ST7: variants seen among roughly 807,000 people sequenced by gnomAD.
ST7 encodes suppression of tumorigenicity 7, also known as suppressor of tumorigenicity 7 protein.
Under a neutral mutation model 78.7 loss-of-function variants are expected in ST7, and 28 were observed. That is an observed-to-expected ratio of 0.36 (90% CI 0.26 to 0.49). ST7 has a LOEUF of 0.49. Ranked by LOEUF, ST7 falls within the 20% of genes least tolerant of loss-of-function variation. ST7 has a pLI of 0.99. For synonymous variants in ST7, 247 were observed against 249.6 expected (o/e 0.99, Z 0.10); for missense variants, 418 against 696.0 (o/e 0.60, Z 4.49).
At chr7:117,014,753 G>A (rs1795528672) in intron 1 of ST7, 1 of 328,494 alleles carries the variant, frequency 3.0e-6, no homozygotes, top group African/African-American at 2.1e-5. Context: ...ATTAATACAG[G>A]AGGGAAATGG....
chr7:117,210,083 A>AGAT, intron 13 of ST7, 146 bp downstream of exon 13: 1 of 934,964 alleles, frequency 1.1e-6, no homozygotes, highest in Non-Finnish European at 1.5e-6. Context: ...TTAGTGACTT[A>AGAT]GGTTCTCCCA....
rs182518164 is a variant in ST7, at chr7:117,138,567, A to G, written c.963+35A>G. ...AGTTTGTGTTTGGGATCAGTGGCTTACAGATATAGGAGCCCGCTGAATGGC... is the reference window on the plus strand; with the variant it reads ...AGTTTGTGTTTGGGATCAGTGGCTTGCAGATATAGGAGCCCGCTGAATGGC... On this transcript the variant is annotated intron_variant, in intron 9 of 15. Coordinates refer to ENST00000323984, the MANE Select transcript of ST7 (RefSeq NM_001369598.1). 8.4e-5 allele frequency: 125 copies of G among 1,481,068 alleles called. No homozygotes were observed. In the Admixed American group the frequency reaches 1.1e-3, roughly 13 times the overall value. 91.7% of individuals were successfully genotyped at this position (1,481,068 alleles called of 1,614,324 possible).
chr7:117,205,955 A>G (rs1455758603), intron 12 of ST7, among the ~76,000 whole-genome samples: 1 of 152,228 alleles, frequency 6.6e-6, no homozygotes, highest in East Asian at 1.9e-4. Context: ...ATACTTGTGG[A>G]TAGGGATCTG....
At chr7:117,032,876 C>A (rs1796674666) in intron 1 of ST7, among the ~76,000 whole-genome samples, 1 of 152,262 alleles carries the variant, frequency 6.6e-6, no homozygotes, top group Middle Eastern at 3.4e-3. Flanking sequence ...CTTTCTCACC[C>A]TTTTTCTAAG....
chr7:117,183,287 G>T (rs937422027), intron 10 of ST7, among the ~76,000 whole-genome samples: 1 of 151,920 alleles, frequency 6.6e-6, no homozygotes, highest in Non-Finnish European at 1.5e-5. Context: ...TTATCCAGGC[G>T]TGGTGGTGTG....
At chr7:116,960,769 G>A (rs1792786710) in intron 1 of ST7, among the ~76,000 whole-genome samples, 1 of 152,096 alleles carries the variant, frequency 6.6e-6, no homozygotes, top group African/African-American at 2.4e-5. Flanking sequence ...CATTCTGTAG[G>A]TTTTCTGTTG....
intron 1 of ST7, among the ~76,000 whole-genome samples, chr7:117,030,354 T>C (rs1796412440): frequency 6.6e-6 from 1 of 152,194 alleles, no homozygotes; most frequent in Non-Finnish European, 1.5e-5. Context: ...GCATCATTAA[T>C]TTGAATTTGG....
rs533572580 is a variant in ST7, at chr7:117,163,372, C to T, written c.964-7490C>T. 2.0e-5 allele frequency among the ~76,000 whole-genome samples: 3 copies of T among 152,262 alleles called. No individual in the cohort carries two copies. In the East Asian group the frequency reaches 5.8e-4, roughly 29 times the overall value. ...ACCTCTATACTGTTCTCCATAGTGGCTATACTAGTTTGCAGTCCTACCAAA... is the reference window on the plus strand; with the variant it reads ...ACCTCTATACTGTTCTCCATAGTGGTTATACTAGTTTGCAGTCCTACCAAA... On this transcript the variant is annotated intron_variant, in intron 9 of 15. Coordinates refer to ENST00000323984, the MANE Select transcript of ST7 (RefSeq NM_001369598.1).
intron 1 of ST7, among the ~76,000 whole-genome samples, chr7:116,967,731 G>A (rs1793199430): frequency 6.6e-6 from 1 of 152,148 alleles, no homozygotes; most frequent in Non-Finnish European, 1.5e-5. Flanking sequence ...CTTAACCAGT[G>A]CCAGCACTTG....
At chr7:117,052,847 T>C (rs1797855912) in intron 1 of ST7, among the ~76,000 whole-genome samples, 1 of 152,180 alleles carries the variant, frequency 6.6e-6, no homozygotes, top group South Asian at 2.1e-4. Flanking sequence ...TGAGCTGAGA[T>C]CGCGCCACTG....
intron 1 of ST7, among the ~76,000 whole-genome samples, chr7:116,958,204 T>C (rs1327272757): frequency 2.0e-5 from 2 of 101,596 alleles, no homozygotes; most frequent in Non-Finnish European, 3.7e-5. Flanking sequence ...CAGGGTCCCC[T>C]GTGTTCTTGA....
chr7:116,997,066 G>A (rs1711913494), intron 1 of ST7, among the ~76,000 whole-genome samples: 2 of 152,174 alleles, frequency 1.3e-5, no homozygotes, highest in Admixed American at 1.3e-4. Flanking sequence ...GGCGTGTCCA[G>A]AGTTTGTTCC....
chr7:117,208,312 C>A (rs1017367217), intron 12 of ST7, among the ~76,000 whole-genome samples: 1 of 152,152 alleles, frequency 6.6e-6, no homozygotes, highest in Admixed American at 6.5e-5. Context: ...CTCTCATGGA[C>A]CAGCCTGGAA....
In ST7 at chr7:117,136,145, T is replaced by C. The variant is rs1452678421; in HGVS notation, c.775T>C (p.Leu259=). Residue 259 remains leucine (L), a synonymous_variant, in exon 8 of 16, where the codon TTA becomes CTA. Coordinates refer to ENST00000323984, the MANE Select transcript of ST7 (RefSeq NM_001369598.1). Reference sequence around the variant, plus strand: ...AACAACCATTGCTGAAGCAGAAAAATTATTTAAGCAGGCCCTGAAGGCTGG... The same window carrying C: ...AACAACCATTGCTGAAGCAGAAAAACTATTTAAGCAGGCCCTGAAGGCTGG... ...EATTIAEAEK[L]FKQALKAGDG... 1.9e-6 allele frequency: 3 copies of C among 1,613,364 alleles called. No homozygotes were observed. Among genetic ancestry groups the C allele is most frequent in the African/African-American group, 1.3e-5 (1 of 74,828 alleles).
chr7:117,106,093 G>T (rs1374309678), intron 2 of ST7, among the ~76,000 whole-genome samples: 2 of 152,136 alleles, frequency 1.3e-5, no homozygotes, highest in Non-Finnish European at 2.9e-5. Flanking sequence ...CCGCTTCCCG[G>T]GTTCACGCCA....
chr7:117,185,964 C>T (rs1467489949), intron 10 of ST7, among the ~76,000 whole-genome samples: 2 of 152,080 alleles, frequency 1.3e-5, no homozygotes, highest in Non-Finnish European at 2.9e-5. Context: ...ATAAATTAGG[C>T]ACAGTAAGAG....
intron 1 of ST7, among the ~76,000 whole-genome samples, chr7:116,973,653 G>C (rs911920591): frequency 6.6e-6 from 1 of 152,150 alleles, no homozygotes; most frequent in Non-Finnish European, 1.5e-5. Flanking sequence ...TTGTCCTGAA[G>C]TTGGTATTGT....
At chr7:117,131,246 A>C (rs1281224007) in intron 5 of ST7, among the ~76,000 whole-genome samples, 1 of 151,904 alleles carries the variant, frequency 6.6e-6, no homozygotes, top group Non-Finnish European at 1.5e-5. Context: ...TTTATAAAAT[A>C]AATAAGGAGA....
intron 10 of ST7, among the ~76,000 whole-genome samples, chr7:117,189,078 G>A (rs1809543324): frequency 6.6e-6 from 1 of 152,148 alleles, no homozygotes; most frequent in African/African-American, 2.4e-5. Context: ...AAAATAGAAG[G>A]TGATTGCTTA....
Sources: gnomAD v4.1 joint callset for allele counts (sites outside exome capture counted in the v4.1 genomes callset) on GRCh38, gnomAD v4.1.1 for gene constraint, MANE v1.5 for transcripts, NCBI Gene and HGNC (gene_info 2026-07-23, HGNC 2026-07-21) for gene names.